NRXN1: variants seen among roughly 807,000 people sequenced by gnomAD.
NRXN1 encodes neurexin 1, also known as neurexin-1.
Under a neutral mutation model 150.9 loss-of-function variants are expected in NRXN1, and 39 were observed. The ratio of observed to expected loss-of-function variants is 0.26; its 90% CI spans 0.20 to 0.34. NRXN1 has a LOEUF of 0.34. Among genes scored for constraint, NRXN1 ranks in the 10% least tolerant of loss-of-function variants. The pLI is 1.00. For synonymous variants in NRXN1, 924 were observed against 757.0 expected (o/e 1.22, Z -3.62); for missense variants, 1,815 against 1,949.9 (o/e 0.93, Z 1.30).
chr2:50,311,441 C>G (rs967035074), intron 17 of NRXN1, among the ~76,000 whole-genome samples: 2 of 152,084 alleles, frequency 1.3e-5, no homozygotes, highest in African/African-American at 4.8e-5. Flanking sequence ...TTTTAGTTAT[C>G]TAAGGTTTCT....
intron 17 of NRXN1, among the ~76,000 whole-genome samples, chr2:50,333,106 C>T (rs1045720101): frequency 2.0e-5 from 3 of 152,084 alleles, no homozygotes; most frequent in Non-Finnish European, 1.5e-5. Flanking sequence ...TTCCCAGAAT[C>T]CCTGCAGAAT....
At chr2:50,620,961 T>A in intron 7 of NRXN1, 1 of 418,620 alleles carries the variant, frequency 2.4e-6, no homozygotes, top group East Asian at 3.7e-5. Context: ...TTATCCCGTG[T>A]TAACCACAGC....
chr2:50,201,881 G>A (rs60761685), intron 18 of NRXN1, among the ~76,000 whole-genome samples: 2,946 of 152,194 alleles, frequency 0.019, 98 homozygotes, highest in African/African-American at 0.068. Context: ...ATTGTTCTTA[G>A]TCCATTGGTT....
At chr2:50,664,396 CGTGTGTGTGTGTGTGTGTGTGT>C (rs35702112) in intron 5 of NRXN1, among the ~76,000 whole-genome samples, 1 of 108,038 alleles carries the variant, frequency 9.3e-6, no homozygotes, top group African/African-American at 3.4e-5. Flanking sequence ...AAGTTTAAAG[CGTGTGTGTGTGTGTGTGTGTGT>C]GTGTGTGTGT....
chr2:50,951,794 T>C (rs1000964565), intron 2 of NRXN1, among the ~76,000 whole-genome samples: 1 of 151,612 alleles, frequency 6.6e-6, no homozygotes, highest in African/African-American at 2.4e-5. Flanking sequence ...TATAAAAATA[T>C]GTTTCCTCAT....
At chr2:50,748,785 C>A (rs1258817264) in intron 5 of NRXN1, among the ~76,000 whole-genome samples, 1 of 152,118 alleles carries the variant, frequency 6.6e-6, no homozygotes, top group African/African-American at 2.4e-5. Flanking sequence ...AAATAATTAA[C>A]TGCTTGAGTC....
At chr2:50,774,111 T>C (rs761046685) in intron 5 of NRXN1, among the ~76,000 whole-genome samples, 1 of 152,148 alleles carries the variant, frequency 6.6e-6, no homozygotes, top group Non-Finnish European at 1.5e-5. Flanking sequence ...GCTCAGTATT[T>C]TCAGTTTTTG....
intron 5 of NRXN1, among the ~76,000 whole-genome samples, chr2:50,630,618 C>T (rs1475463711): frequency 6.6e-6 from 1 of 151,598 alleles, no homozygotes; most frequent in Non-Finnish European, 1.5e-5. Context: ...TTTTTGTATG[C>T]CAAAAAACTA....
At chr2:50,414,509 G>T (rs1232231873) in intron 17 of NRXN1, among the ~76,000 whole-genome samples, 1 of 151,520 alleles carries the variant, frequency 6.6e-6, no homozygotes, top group Non-Finnish European at 1.5e-5. Context: ...TTTTTTGAAA[G>T]ATGTTTTTTT....
rs572651167 is a variant in NRXN1, at chr2:50,187,545, T to C, written c.3546+49244A>G. Among the ~76,000 whole-genome samples, 5 of 152,250 alleles carry C rather than the reference T, an allele frequency of 3.3e-5. No homozygotes were observed. The South Asian group carries it at 1.0e-3, about 32-fold the overall frequency. ...CATGATGCCTCCAGCTTTGTTCTTT[T>C]TGTTTAGGGTTGTCTTGGCTATAAG... is the stretch of plus-strand genomic sequence containing the variant. On this transcript the variant is annotated intron_variant, in intron 18 of 22. Transcript: ENST00000401669.
chr2:50,079,042 C>G (rs1218210547), intron 19 of NRXN1, among the ~76,000 whole-genome samples: 3 of 152,014 alleles, frequency 2.0e-5, no homozygotes, highest in Non-Finnish European at 4.4e-5. Context: ...TGTAATTTTT[C>G]TGTATGGGTG....
At chr2:50,843,146 C>T (rs1488932787) in intron 5 of NRXN1, among the ~76,000 whole-genome samples, 2 of 152,108 alleles carry the variant, frequency 1.3e-5, no homozygotes, top group Non-Finnish European at 1.5e-5. Flanking sequence ...GAGACCTGGA[C>T]CCAGGGACAA....
chr2:50,523,587 T>C (rs563932510), intron 12 of NRXN1, among the ~76,000 whole-genome samples: 6 of 152,350 alleles, frequency 3.9e-5, no homozygotes, highest in African/African-American at 1.4e-4. Context: ...CATTCTTTTA[T>C]TGCTTTCCAT....
intron 15 of NRXN1, among the ~76,000 whole-genome samples, chr2:50,493,994 T>TA: frequency 6.6e-6 from 1 of 152,190 alleles, no homozygotes; most frequent in Non-Finnish European, 1.5e-5. Flanking sequence ...AATGCTTTAA[T>TA]AAAAATAAAC....
At chr2:50,064,059 T>G (rs1694972292) in intron 19 of NRXN1, among the ~76,000 whole-genome samples, 1 of 152,114 alleles carries the variant, frequency 6.6e-6, no homozygotes. Context: ...GAATAGAACT[T>G]TGCAAAACGT....
chr2:50,715,603 A>G (rs1695761918), intron 5 of NRXN1, among the ~76,000 whole-genome samples: 1 of 152,160 alleles, frequency 6.6e-6, no homozygotes, highest in African/African-American at 2.4e-5. Flanking sequence ...ATATCTTTAA[A>G]TACTTCTCAC....
intron 5 of NRXN1, among the ~76,000 whole-genome samples, chr2:50,851,000 C>A (rs549248553): frequency 6.6e-6 from 1 of 152,266 alleles, no homozygotes; most frequent in African/African-American, 2.4e-5. Flanking sequence ...TAATAGCCAT[C>A]ACTTTTACTC....
intron 18 of NRXN1, among the ~76,000 whole-genome samples, chr2:50,207,124 A>G (rs1345074093): frequency 6.6e-6 from 1 of 152,144 alleles, no homozygotes. Flanking sequence ...CCGATGGGGT[A>G]TAAACAAGAT....
At chr2:50,281,603 G>A (rs2071474603) in intron 17 of NRXN1, among the ~76,000 whole-genome samples, 1 of 151,986 alleles carries the variant, frequency 6.6e-6, no homozygotes, top group Non-Finnish European at 1.5e-5. Flanking sequence ...ATAAAGATGT[G>A]TTCCTGGTCC....
Sources: gnomAD v4.1 joint callset for allele counts (sites outside exome capture counted in the v4.1 genomes callset) on GRCh38, gnomAD v4.1.1 for gene constraint, MANE v1.5 for transcripts, NCBI Gene and HGNC (gene_info 2026-07-23, HGNC 2026-07-21) for gene names.